LINGO1: variants seen among roughly 807,000 people sequenced by gnomAD.
The protein encoded by LINGO1 is leucine-rich repeat and immunoglobulin-like domain-containing nogo receptor-interacting protein 1.
In LINGO1, 11 loss-of-function variants were observed where a neutral mutation model predicts 37.3. The observed-to-expected ratio is 0.29, with a 90% CI of 0.19 to 0.49. The LOEUF is 0.49. Ranked by LOEUF, LINGO1 falls within the 20% of genes least tolerant of loss-of-function variation. The pLI is 0.99. For synonymous variants in LINGO1, 387 were observed against 403.0 expected, an observed-to-expected ratio of 0.96 and a Z score of 0.48; for missense variants, 585 against 878.2, an observed-to-expected ratio of 0.67 and a Z score of 4.22.
chr15:77,692,829 G>A (rs2075627532), intron 1 of LINGO1, among the ~76,000 whole-genome samples: 1 of 152,220 alleles, frequency 6.6e-6, no homozygotes, highest in African/African-American at 2.4e-5. Flanking sequence ...AGGACGCCAT[G>A]GTATCCAGGC....
chr15:77,747,702 G>A (rs1484187734), intron 1 of LINGO1, among the ~76,000 whole-genome samples: 1 of 152,262 alleles, frequency 6.6e-6, no homozygotes. Flanking sequence ...CCAATGCAGA[G>A]CCAGGCGGGC....
At chr15:77,789,049 G>T (rs964002705), upstream of LINGO1, among the ~76,000 whole-genome samples, 1 of 152,156 alleles carries the variant, frequency 6.6e-6, no homozygotes, top group Non-Finnish European at 1.5e-5. Flanking sequence ...TACTCCTCCT[G>T]TGCACCCCAC....
chr15:77,789,023 C>T (rs890400393), upstream of LINGO1, among the ~76,000 whole-genome samples: 4 of 152,194 alleles, frequency 2.6e-5, no homozygotes, highest in Non-Finnish European at 2.9e-5. Context: ...TCCCTGACAG[C>T]TTGGGGCGGC....
intron 3 of LINGO1, among the ~76,000 whole-genome samples, chr15:77,675,743 G>A (rs1479169320): frequency 2.0e-5 from 3 of 152,068 alleles, no homozygotes; most frequent in Non-Finnish European, 4.4e-5. Flanking sequence ...GTAACATATA[G>A]AGAACATATT....
intron 3 of LINGO1, among the ~76,000 whole-genome samples, chr15:77,655,039 C>T (rs1701414023): frequency 6.6e-6 from 1 of 152,154 alleles, no homozygotes; most frequent in South Asian, 2.1e-4. Flanking sequence ...TCCCACTCAG[C>T]CCCTAGGGGA....
At position 77,613,663 on chromosome 15, in the gene LINGO1, T is replaced by C. The variant is rs1421458734; in HGVS notation, c.*381A>G. 6 of 211,082 alleles carry C rather than the reference T, an allele frequency of 2.8e-5. No individual in the cohort carries two copies. The highest frequency in any genetic ancestry group is 4.6e-5 in the African/African-American group (2 of 43,650). 13.1% of individuals were successfully genotyped at this position (211,082 alleles called of 1,614,324 possible). ...CAAAAGTTTGCATTCCGACTAGCTA[T>C]AGGAAATAGTTTTTTTCTCTTTTTA... On this transcript the variant is annotated 3_prime_UTR_variant, in exon 2 of 2. Transcript: ENST00000355300.
At chr15:77,617,623 T>G (rs907395) in intron 1 of LINGO1, among the ~76,000 whole-genome samples, 6 of 152,080 alleles carry the variant, frequency 3.9e-5, no homozygotes, top group East Asian at 1.9e-4. Flanking sequence ...CCTGCTTTCA[T>G]GGCCACAGGC....
At chr15:77,798,167 C>T (rs948416884) in intron 1 of LINGO1, among the ~76,000 whole-genome samples, 1 of 152,224 alleles carries the variant, frequency 6.6e-6, no homozygotes, top group Non-Finnish European at 1.5e-5. Flanking sequence ...CAGGACAGAA[C>T]ATAGTGGTGC....
chr15:77,773,152 T>C (rs1470002975), intron 1 of LINGO1, among the ~76,000 whole-genome samples: 3 of 152,204 alleles, frequency 2.0e-5, no homozygotes, highest in Non-Finnish European at 1.5e-5. Flanking sequence ...CCCAGGTCCC[T>C]GCCATAGCCC....
At chr15:77,692,019 G>A (rs1269019452) in intron 1 of LINGO1, among the ~76,000 whole-genome samples, 1 of 152,218 alleles carries the variant, frequency 6.6e-6, no homozygotes, top group African/African-American at 2.4e-5. Flanking sequence ...CATGGAGAGT[G>A]TGGGCAGAGT....
chr15:77,760,916 CTTTTTTTTTTT>C (rs34524098), intron 1 of LINGO1, among the ~76,000 whole-genome samples: 8 of 96,424 alleles, frequency 8.3e-5, no homozygotes, highest in African/African-American at 3.4e-4. Flanking sequence ...TAATAAGTAT[CTTTTTTTTTTT>C]TTTTTTTTTT....
At chr15:77,623,071 C>G (rs1451542373) in intron 1 of LINGO1, among the ~76,000 whole-genome samples, 2 of 152,178 alleles carry the variant, frequency 1.3e-5, no homozygotes, top group Non-Finnish European at 2.9e-5. Flanking sequence ...GACGCACCCA[C>G]ATCAAAGGAA....
chr15:77,736,057 T>A (rs1426175548), intron 1 of LINGO1, among the ~76,000 whole-genome samples: 1 of 152,248 alleles, frequency 6.6e-6, no homozygotes, highest in Non-Finnish European at 1.5e-5. Context: ...AAGCATTCTC[T>A]TTTTAAGAGG....
chr15:77,800,841 CAAAAG>C (rs1460004237), intron 1 of LINGO1, among the ~76,000 whole-genome samples: 2 of 151,988 alleles, frequency 1.3e-5, no homozygotes, highest in Non-Finnish European at 2.9e-5. Flanking sequence ...AGAAAAAAGA[CAAAAG>C]AAGAGAAAAA....
At position 77,761,962 on chromosome 15, in the gene LINGO1, C is replaced by T. The variant is rs187670957; in HGVS notation, c.-257+24907G>A. On this transcript the variant is annotated intron_variant, in intron 1 of 3. Transcript: ENST00000561686. ...GGCCGGGATGTGATGTGCAACTCCA[C>T]GCCAGGCCCTGACCCTTTCTGACCC... Among the ~76,000 whole-genome samples the T allele has an allele frequency of 4.7e-3, 715 of 152,316 alleles. 34 individuals carry two copies. Among genetic ancestry groups the T allele is most frequent in the Admixed American group, 0.043 (651 of 15,304 alleles).
chr15:77,725,428 T>C (rs2076092628), intron 2 of LINGO1, among the ~76,000 whole-genome samples: 2 of 152,098 alleles, frequency 1.3e-5, no homozygotes, highest in Admixed American at 1.3e-4. Flanking sequence ...CACAGTGGCG[T>C]TGCACCCAAC....
At chr15:77,622,328 G>A (rs1411026211) in intron 1 of LINGO1, among the ~76,000 whole-genome samples, 1 of 152,054 alleles carries the variant, frequency 6.6e-6, no homozygotes, top group Non-Finnish European at 1.5e-5. Flanking sequence ...GACACAGGCT[G>A]GGGGCAGGGA....
chr15:77,743,095 T>TG (rs1174260370), intron 1 of LINGO1, among the ~76,000 whole-genome samples: 1 of 151,824 alleles, frequency 6.6e-6, no homozygotes, highest in Non-Finnish European at 1.5e-5. Flanking sequence ...ACTGAAAGGG[T>TG]GGGGGGTGGA....
chr15:77,661,605 G>A (rs1015169057), intron 3 of LINGO1, among the ~76,000 whole-genome samples: 1 of 152,242 alleles, frequency 6.6e-6, no homozygotes, highest in African/African-American at 2.4e-5. Context: ...CCCTGAGAGG[G>A]CAGAAGGCAA....
Sources: gnomAD v4.1 joint callset for allele counts (sites outside exome capture counted in the v4.1 genomes callset) on GRCh38, gnomAD v4.1.1 for gene constraint, MANE v1.5 for transcripts, NCBI Gene and HGNC (gene_info 2026-07-23, HGNC 2026-07-21) for gene names.